Variants in RNF114 observed in about 807,000 individuals in gnomAD.
RNF114 encodes the protein ring finger protein 114.
Under a neutral mutation model 28.4 loss-of-function variants are expected in RNF114, and 6 were observed. The observed-to-expected ratio is 0.21, with a 90% CI of 0.12 to 0.42. The LOEUF (loss-of-function observed/expected upper bound fraction) is 0.42, where lower values mean the gene tolerates loss of function less well. Ranked by LOEUF, RNF114 falls within the 10% of genes least tolerant of loss-of-function variation. The probability of loss-of-function intolerance (pLI) is 1.00; values close to 1 mark genes in which losing one functional copy is unlikely to be tolerated. For synonymous variants in RNF114, 115 were observed against 116.7 expected, an observed-to-expected ratio of 0.99 and a Z score of 0.09; for missense variants, 249 against 311.7, an observed-to-expected ratio of 0.80 and a Z score of 1.51.
At chr20:49,950,027 G>A (rs1020040743) in intron 5 of RNF114, among the ~76,000 whole-genome samples, 1 of 151,572 alleles carries the variant, frequency 6.6e-6, no homozygotes, top group Admixed American at 6.6e-5. Flanking sequence ...CGAGGTGGGC[G>A]GATCCTGAGG....
chr20:49,951,974 A>C (rs141913216), intron 5 of RNF114, 102 bp from the exon 6 acceptor site: 6 of 926,718 alleles, frequency 6.5e-6, no homozygotes, highest in Non-Finnish European at 1.0e-5. Flanking sequence ...GTCCCTGGCA[A>C]CCTGCTCCGG....
chr20:49,938,675 A>C (rs1325600247), intron 1 of RNF114, among the ~76,000 whole-genome samples: 1 of 152,238 alleles, frequency 6.6e-6, no homozygotes, highest in Non-Finnish European at 1.5e-5. Flanking sequence ...AAAAGGGCGC[A>C]TAAGTAGGAA....
intron 2 of RNF114, among the ~76,000 whole-genome samples, chr20:49,942,843 T>G (rs752593313): frequency 4.6e-5 from 7 of 152,168 alleles, no homozygotes; most frequent in Admixed American, 1.3e-4. Flanking sequence ...AAAAGTGATT[T>G]AATTTCGAAA....
At chr20:49,939,969 G>A (rs950978618) in intron 1 of RNF114, among the ~76,000 whole-genome samples, 4 of 146,468 alleles carry the variant, frequency 2.7e-5, no homozygotes, top group African/African-American at 5.0e-5. Flanking sequence ...CAGGAGAATC[G>A]CTTGGACCGG....
chr20:49,944,884 C>CAA (rs759990118), intron 2 of RNF114: 16 of 84,782 alleles, frequency 1.9e-4, no homozygotes, highest in East Asian at 6.4e-4. Flanking sequence ...GACTCTGTCT[C>CAA]AAAAAAAAAA....
At chr20:49,950,403 G>A (rs894310156) in intron 5 of RNF114, among the ~76,000 whole-genome samples, 1 of 151,658 alleles carries the variant, frequency 6.6e-6, no homozygotes, top group East Asian at 1.9e-4. Context: ...GGACAGGTGC[G>A]GTGCAGTGGT....
intron 2 of RNF114, 199 bp from the exon 3 acceptor site, chr20:49,945,183 C>G: frequency 2.0e-6 from 1 of 505,614 alleles, no homozygotes; most frequent in Non-Finnish European, 3.6e-6. Context: ...CTGATTTAGT[C>G]GAATAAAATA....
At chr20:49,940,472 T>C (rs2146854121) in intron 1 of RNF114, among the ~76,000 whole-genome samples, 1 of 151,658 alleles carries the variant, frequency 6.6e-6, no homozygotes, top group South Asian at 2.1e-4. Context: ...TGGAGTGCAG[T>C]GGCGCGATCT....
chr20:49,943,857 C>CAGATAT (rs1568919592), intron 2 of RNF114: 1 of 109,758 alleles, frequency 9.1e-6, no homozygotes, highest in African/African-American at 3.5e-5. Flanking sequence ...CACACACACA[C>CAGATAT]ATACATACAC....
Position 49,941,678 on chromosome 20 carries a change from C to T in RNF114, c.258C>T (p.Ser86=), listed in dbSNP as rs779614930. 1.6e-5 allele frequency: 26 copies of T among 1,612,358 alleles called. No homozygotes were observed. In the South Asian group the frequency reaches 2.9e-4, roughly 18 times the overall value. The change falls in exon 2 of 6, where the codon AGC becomes AGT. Residue 86 remains serine, a synonymous_variant. Transcript: ENST00000244061. ...TGGAGCTCGAGCGGCAGATCGAGAG[C>T]ACAGAGACTTCTTGCCATGGCTGCC... The part of the protein sequence containing the change: ...RAVELERQIE[S]TETSCHGCRK...
Position 49,952,309 on chromosome 20 carries a change from C to T in RNF114, c.*168C>T, listed in dbSNP as rs2090358141. 1 of 637,442 alleles carries T rather than the reference C, an allele frequency of 1.6e-6. No individual in the cohort carries two copies. The highest frequency in any genetic ancestry group is 2.3e-5 in the Admixed American group (1 of 43,812). 39.5% of individuals were successfully genotyped at this position (637,442 alleles called of 1,614,324 possible). On this transcript the variant is annotated 3_prime_UTR_variant, in exon 6 of 6. Transcript: ENST00000244061. The stretch of plus-strand genomic sequence containing the variant: ...GAAGTGGGTCCCCAGGTCAGCCCTT[C>T]TCTTCCCTTTGGGCTCTTGCCAAAG...
intron 2 of RNF114, chr20:49,944,858 G>T (rs937535085): frequency 1.3e-5 from 2 of 151,998 alleles, no homozygotes; most frequent in African/African-American, 4.9e-5. Flanking sequence ...TTCAGTCTGG[G>T]CGACAGAGTG....
rs750915085 is a variant in RNF114, at chr20:49,946,199, A to G, written c.462A>G (p.Glu154=). The change falls in exon 4 of 6, where the codon GAA becomes GAG. Residue 154 remains glutamate (E), a synonymous_variant. Coordinates refer to ENST00000244061, the MANE Select transcript of RNF114 (RefSeq NM_018683.4). ...GTCCTGAGAAGAACTTTGATCAGGA[A>G]GGACTTGTGGAACACTGCAAATTAT... ...PYCPEKNFDQ[E]GLVEHCKLFH... is the part of the protein sequence containing the mutation. The G allele has an allele frequency of 1.2e-6, 2 of 1,612,554 alleles. No homozygotes were observed. Among genetic ancestry groups the G allele is most frequent in the South Asian group, 1.1e-5 (1 of 90,840 alleles).
At chr20:49,948,746 C>CT (rs1454863836) in intron 4 of RNF114, among the ~76,000 whole-genome samples, 1 of 152,094 alleles carries the variant, frequency 6.6e-6, no homozygotes, top group Non-Finnish European at 1.5e-5. Flanking sequence ...CTGGAGCACT[C>CT]TTTCATGTCC....
chr20:49,939,734 TCTTCTCAC>T lies in RNF114; in HGVS notation c.141-1816_141-1809del, dbSNP rs141701081. ...CCATCTGTTTGGTTTCTACTTTGTC[TCTTCTCAC>T]CTTCTCACCTAAAAAAAAAAAAAAC... On this transcript the variant is annotated intron_variant, in intron 1 of 5. Coordinates refer to ENST00000244061, the MANE Select transcript of RNF114 (RefSeq NM_018683.4). Among the ~76,000 whole-genome samples the T allele has an allele frequency of 4.1e-3, 616 of 151,350 alleles. 4 individuals carry two copies. The highest frequency in any genetic ancestry group is 0.014 in the African/African-American group (594 of 41,208).
rs2090358375 is a variant in RNF114 at position 49,952,373 on chromosome 20, C to T, written c.*232C>T. The T allele has an allele frequency of 5.4e-6, 3 of 554,258 alleles. No homozygotes were observed. The highest frequency in any genetic ancestry group is 3.0e-5 in the Admixed American group (1 of 33,510). 34.3% of individuals were successfully genotyped at this position (554,258 alleles called of 1,614,324 possible). A position where few individuals can be genotyped will look rare whatever the true frequency, so the allele number is the denominator to read the frequency against. On this transcript the variant is annotated 3_prime_UTR_variant, in exon 6 of 6. Coordinates refer to ENST00000244061, the MANE Select transcript of RNF114 (RefSeq NM_018683.4). ...CTGTTAACCTTGTTTGTCACACGGT[C>T]GAGTTCGTATTGGTTCTCGGCTACT...
Position 49,945,456 on chromosome 20 carries a change from G to C in RNF114, c.366G>C (p.Lys122Asn), listed in dbSNP as rs1220438738. The change falls in exon 3 of 6, where the codon AAG (lysine) becomes AAC (asparagine). Residue 122 changes from lysine (K) to asparagine (N), a missense_variant. Physicochemically the swap from Lys to Asn is moderately conservative, Grantham distance 94. Coordinates refer to ENST00000244061, the MANE Select transcript of RNF114 (RefSeq NM_018683.4). ...KYQNYIMEGV[K>N]ATIKDASLQP... is the part of the protein sequence containing the mutation. ...AGAATTACATCATGGAAGGTGTGAAGGCCACCATTAAGGATGCATCTCTTC... is the reference window on the plus strand; with the variant it reads ...AGAATTACATCATGGAAGGTGTGAACGCCACCATTAAGGATGCATCTCTTC... 6.2e-7 allele frequency: 1 copy of C among 1,612,234 alleles called. No individual in the cohort carries two copies. Among genetic ancestry groups the C allele is most frequent in the Non-Finnish European group, 8.5e-7 (1 of 1,178,420 alleles).
chr20:49,938,996 G>A (rs539058825), intron 1 of RNF114, among the ~76,000 whole-genome samples: 144 of 152,214 alleles, frequency 9.5e-4, no homozygotes, highest in Middle Eastern at 3.4e-3. Flanking sequence ...ATGGTCTACC[G>A]CATCATGGCC....
chr20:49,938,512 T>TG (rs1214072487), intron 1 of RNF114, among the ~76,000 whole-genome samples: 3 of 152,202 alleles, frequency 2.0e-5, no homozygotes, highest in Non-Finnish European at 4.4e-5. Flanking sequence ...GCTGGGGCAT[T>TG]GGATTTTTAT....
Sources: gnomAD v4.1 joint callset for allele counts (sites outside exome capture counted in the v4.1 genomes callset) on GRCh38, gnomAD v4.1.1 for gene constraint, MANE v1.5 for transcripts, NCBI Gene and HGNC (gene_info 2026-07-23, HGNC 2026-07-21) for gene names.